BCL9: variants seen among roughly 807,000 people sequenced by gnomAD.
BCL9 encodes the protein B-cell CLL/lymphoma 9 protein.
BCL9 carries 25 observed loss-of-function variants against 88.5 expected under a neutral mutation model. The observed-to-expected ratio is 0.28, with a 90% CI of 0.21 to 0.39. The LOEUF (loss-of-function observed/expected upper bound fraction) is 0.39, where lower values mean the gene tolerates loss of function less well. Ranked by LOEUF, BCL9 falls within the 10% of genes least tolerant of loss-of-function variation. BCL9 has a pLI of 1.00. For synonymous variants in BCL9, 711 were observed against 673.3 expected (o/e 1.06, Z -0.87); for missense variants, 1,817 against 1,877.8 (o/e 0.97, Z 0.60).
At chr1:147,595,575 T>G (rs587667142) in intron 1 of BCL9, among the ~76,000 whole-genome samples, 3 of 152,296 alleles carry the variant, frequency 2.0e-5, no homozygotes, top group African/African-American at 7.2e-5. Flanking sequence ...TGAGTCTGGG[T>G]TCACTGGTTT....
In BCL9 at chr1:147,620,072, A is replaced by G. The variant is rs782034882; in HGVS notation, c.1917A>G (p.Lys639=). 6 of 1,614,022 alleles carry G rather than the reference A, an allele frequency of 3.7e-6. No homozygotes were observed. Among genetic ancestry groups the G allele is most frequent in the South Asian group, 1.1e-5 (1 of 91,088 alleles). Residue 639 remains lysine (K), a synonymous_variant, in exon 8 of 10, where the codon AAA becomes AAG. Transcript: ENST00000234739. ...TGTTTCAGCAGCAGCTGGCAGAGAA[A>G]CAGCTGGGTCTCCCCCCAGGGATGG... ...EEMFQQQLAE[K]QLGLPPGMAM...
chr1:147,598,008 TG>T (rs1215948346), intron 1 of BCL9, among the ~76,000 whole-genome samples: 1 of 152,234 alleles, frequency 6.6e-6, no homozygotes, highest in African/African-American at 2.4e-5. Flanking sequence ...TGATCTGGTC[TG>T]GGATTCCCCC....
intron 1 of BCL9, among the ~76,000 whole-genome samples, chr1:147,566,111 T>C (rs192638056): frequency 6.6e-6 from 1 of 152,338 alleles, no homozygotes; most frequent in East Asian, 1.9e-4. Context: ...ACATTTATCA[T>C]GAAGACATTT....
intron 1 of BCL9, among the ~76,000 whole-genome samples, chr1:147,562,116 G>T (rs772648995): frequency 6.6e-6 from 1 of 152,074 alleles, no homozygotes; most frequent in Admixed American, 6.6e-5. Flanking sequence ...ATCACCTGAG[G>T]TCGGGAGTTC....
intron 1 of BCL9, among the ~76,000 whole-genome samples, chr1:147,548,647 A>T (rs145568672): frequency 3.0e-4 from 45 of 152,274 alleles, no homozygotes; most frequent in African/African-American, 9.9e-4. Flanking sequence ...ATAGGGTGAA[A>T]CAGAACAGGC....
At chr1:147,577,061 T>A (rs1279810332) in intron 1 of BCL9, among the ~76,000 whole-genome samples, 1 of 152,160 alleles carries the variant, frequency 6.6e-6, no homozygotes. Flanking sequence ...TATTTTTTTT[T>A]ATTGTTTCTG....
At chr1:147,573,823 A>C (rs797042284) in intron 1 of BCL9, among the ~76,000 whole-genome samples, 5 of 152,258 alleles carry the variant, frequency 3.3e-5, no homozygotes, top group African/African-American at 1.2e-4. Context: ...GGTTAGTTAG[A>C]GATAACCTGA....
chr1:147,558,399 C>T (rs948491255), intron 1 of BCL9, among the ~76,000 whole-genome samples: 5 of 152,252 alleles, frequency 3.3e-5, no homozygotes, highest in Admixed American at 2.0e-4. Context: ...GACCTTTCCT[C>T]AGAGAAAACT....
rs1485222627 is a variant in BCL9 at position 147,611,721 on chromosome 1, C to T, written c.-116C>T. The T allele has an allele frequency of 2.0e-5, 19 of 969,316 alleles. No homozygotes were observed. The highest frequency in any genetic ancestry group is 6.4e-5 in the African/African-American group (4 of 62,344). The allele number at this position is 969,316 out of a possible 1,614,324, so 60.0% of individuals were successfully genotyped here. On this transcript the variant is annotated 5_prime_UTR_variant, in exon 4 of 10. It adds an upstream start codon to the 5' untranslated region. Transcript: ENST00000234739. ...CATACAGGCAGCGAGCGCTAAGGGACGCACCCAGCAAGCAGTGGGCCAGTG... is the reference window on the plus strand; with the variant it reads ...CATACAGGCAGCGAGCGCTAAGGGATGCACCCAGCAAGCAGTGGGCCAGTG...
chr1:147,584,714 C>A (rs1333612532), intron 1 of BCL9, among the ~76,000 whole-genome samples: 1 of 152,180 alleles, frequency 6.6e-6, no homozygotes, highest in African/African-American at 2.4e-5. Flanking sequence ...TCCTTTGCAA[C>A]TGTAAATTTC....
intron 1 of BCL9, among the ~76,000 whole-genome samples, chr1:147,597,690 A>T (rs984816375): frequency 6.6e-6 from 1 of 152,230 alleles, no homozygotes; most frequent in Non-Finnish European, 1.5e-5. Context: ...TATTTAATAG[A>T]ATAAATCCTA....
At chr1:147,602,674 TAGAC>T (rs1388501328) in intron 1 of BCL9, among the ~76,000 whole-genome samples, 5 of 152,172 alleles carry the variant, frequency 3.3e-5, no homozygotes, top group African/African-American at 4.8e-5. Context: ...AGATGGTAGA[TAGAC>T]AGGGAGGTCA....
chr1:147,623,606 C>T (rs1047391850), intron 9 of BCL9, among the ~76,000 whole-genome samples: 2 of 152,154 alleles, frequency 1.3e-5, no homozygotes, highest in Non-Finnish European at 2.9e-5. Flanking sequence ...CAATTTCTCC[C>T]TTGCTATCTT....
At chr1:147,588,395 T>C (rs1553199518) in intron 1 of BCL9, among the ~76,000 whole-genome samples, 1 of 152,192 alleles carries the variant, frequency 6.6e-6, no homozygotes, top group African/African-American at 2.4e-5. Flanking sequence ...CTCAGATTCT[T>C]ATTTTTTACC....
chr1:147,620,995 C>T lies in BCL9; in HGVS notation c.2840C>T (p.Pro947Leu), dbSNP rs1315191353. The T allele has an allele frequency of 6.2e-7, 1 of 1,614,196 alleles. No homozygotes were observed. The highest frequency in any genetic ancestry group is 1.1e-5 in the South Asian group (1 of 91,086). Residue 947 changes from proline to leucine, a missense_variant, in exon 8 of 10, where the codon CCT becomes CTT. Physicochemically the swap from Pro to Leu is moderately conservative, Grantham distance 98. This residue lies in a region of BCL9 where 589 missense variants were observed against 686.2 expected (regional missense o/e 0.86). Coordinates refer to ENST00000234739, the MANE Select transcript of BCL9 (RefSeq NM_004326.4). ...CCTCCCCTTCAGAGTCCTGGGATCC[C>T]TCCAAACCATAAAGCACCCCTCACC... ...PKPPLQSPGI[P>L]PNHKAPLTMA...
rs782696216 is a variant in BCL9, at chr1:147,620,271, G to C, written c.2116G>C (p.Glu706Gln). Residue 706 changes from glutamate to glutamine, a missense_variant, in exon 8 of 10, where the codon GAA becomes CAA. By Grantham distance (29) the Glu-to-Gln change is conservative. Coordinates refer to ENST00000234739, the MANE Select transcript of BCL9 (RefSeq NM_004326.4). ...TCCCCCACAGATGGGCCCTGGTCGG[G>C]AACTTGAGTTTGGGATGGTTCCTAG... is the stretch of plus-strand genomic sequence containing the variant. ...GIPPQMGPGR[E>Q]LEFGMVPSGM... is the part of the protein sequence containing the mutation. 2.6e-5 allele frequency: 42 copies of C among 1,614,068 alleles called. No individual in the cohort carries two copies. The highest frequency in any genetic ancestry group is 3.5e-5 in the Non-Finnish European group (41 of 1,180,042).
chr1:147,592,305 C>T (rs1356066049), intron 1 of BCL9, among the ~76,000 whole-genome samples: 5 of 152,198 alleles, frequency 3.3e-5, no homozygotes, highest in African/African-American at 9.6e-5. Flanking sequence ...TGGCATCTCT[C>T]GCCAATCTCA....
At chr1:147,601,413 G>A (rs1389866925) in intron 1 of BCL9, among the ~76,000 whole-genome samples, 1 of 152,200 alleles carries the variant, frequency 6.6e-6, no homozygotes, top group South Asian at 2.1e-4. Flanking sequence ...ATGGGTATTG[G>A]AGTATTAGTT....
chr1:147,558,487 C>T (rs1553195686), intron 1 of BCL9, among the ~76,000 whole-genome samples: 1 of 152,088 alleles, frequency 6.6e-6, no homozygotes, highest in Non-Finnish European at 1.5e-5. Context: ...GTCTGGTCTC[C>T]TCTGGTGTCT....
Sources: gnomAD v4.1 joint callset for allele counts (sites outside exome capture counted in the v4.1 genomes callset) on GRCh38, gnomAD v4.1.1 for gene constraint, gnomAD v4.1.1 regional missense constraint, MANE v1.5 for transcripts, NCBI Gene and HGNC (gene_info 2026-07-23, HGNC 2026-07-21) for gene names.